JAM3: variants seen among roughly 807,000 people sequenced by gnomAD.
The protein encoded by JAM3 is junctional adhesion molecule 3, also known as junctional adhesion molecule C.
JAM3 carries 31 observed loss-of-function variants against 39.4 expected under a neutral mutation model. That is an observed-to-expected ratio of 0.79 (90% confidence interval 0.59 to 1.06). JAM3 has a LOEUF of 1.06. Among genes scored for constraint, JAM3 ranks in the 50% least tolerant of loss-of-function variants. The probability of loss-of-function intolerance (pLI) is 0.00; values close to 1 mark genes in which losing one functional copy is unlikely to be tolerated. For synonymous variants in JAM3, 182 were observed against 148.7 expected, an observed-to-expected ratio of 1.22 and a Z score of -1.63; for missense variants, 455 against 391.4, an observed-to-expected ratio of 1.16 and a Z score of -1.37.
At chr11:134,090,138 C>A (rs1335176392) in intron 1 of JAM3, among the ~76,000 whole-genome samples, 1 of 152,168 alleles carries the variant, frequency 6.6e-6, no homozygotes, top group South Asian at 2.1e-4. Flanking sequence ...TGTCCTTTGC[C>A]CACTTTTTGA....
chr11:134,076,151 C>CTTTTTTTTTTTTTTT (rs551303530), intron 1 of JAM3, among the ~76,000 whole-genome samples: 15 of 120,396 alleles, frequency 1.2e-4, no homozygotes, highest in East Asian at 2.3e-4. Flanking sequence ...TCTTTTCTTT[C>CTTTTTTTTTTTTTTT]TTTTTTTTTT....
chr11:134,148,662 A>G lies in JAM3; in HGVS notation c.828A>G (p.Lys276=). 2 of 1,614,130 alleles carry G rather than the reference A, an allele frequency of 1.2e-6. No individual in the cohort carries two copies. The highest frequency in any genetic ancestry group is 1.7e-6 in the Non-Finnish European group (2 of 1,180,026). The part of the protein sequence containing the change: ...AYRRGYFINN[K]QDGESYKNPG... ...GACGTGGCTACTTCATCAACAATAA[A>G]CAGGATGGAGAAAGGTGAGCCTGCC... Residue 276 remains lysine, a synonymous_variant, in exon 7 of 9, where the codon AAA becomes AAG. Coordinates refer to ENST00000299106, the MANE Select transcript of JAM3 (RefSeq NM_032801.5).
intron 1 of JAM3, among the ~76,000 whole-genome samples, chr11:134,138,822 T>A (rs538496639): frequency 9.2e-5 from 14 of 152,246 alleles, no homozygotes; most frequent in Non-Finnish European, 1.9e-4. Flanking sequence ...TTGCTAGAAT[T>A]AGTGAAATCT....
intron 3 of JAM3, among the ~76,000 whole-genome samples, chr11:134,143,912 G>A (rs1040761158): frequency 9.2e-5 from 14 of 152,194 alleles, no homozygotes; most frequent in African/African-American, 3.4e-4. Flanking sequence ...AACATTGGTT[G>A]TTTTTCTAGT....
At chr11:134,143,908 GGTT>G (rs1268937177) in intron 3 of JAM3, among the ~76,000 whole-genome samples, 1 of 152,188 alleles carries the variant, frequency 6.6e-6, no homozygotes, top group Non-Finnish European at 1.5e-5. Context: ...ATGAAACATT[GGTT>G]GTTTTTCTAG....
At chr11:134,093,191 C>T (rs1358560621) in intron 1 of JAM3, among the ~76,000 whole-genome samples, 1 of 133,986 alleles carries the variant, frequency 7.5e-6, no homozygotes, top group African/African-American at 2.9e-5. Flanking sequence ...CTGAACCCTC[C>T]TTATTCATCA....
chr11:134,105,708 A>G (rs1467781129), intron 1 of JAM3, among the ~76,000 whole-genome samples: 2 of 124,854 alleles, frequency 1.6e-5, no homozygotes, highest in Admixed American at 7.4e-5. Flanking sequence ...TATACCAATA[A>G]TAGACAAACA....
At chr11:134,122,074 T>C (rs1229873577) in intron 1 of JAM3, among the ~76,000 whole-genome samples, 2 of 152,254 alleles carry the variant, frequency 1.3e-5, no homozygotes, top group Non-Finnish European at 2.9e-5. Flanking sequence ...CAGAAAGCAT[T>C]ATTTTGTTTT....
intron 1 of JAM3, among the ~76,000 whole-genome samples, chr11:134,138,473 G>A (rs111823256): frequency 6.8e-5 from 10 of 146,964 alleles, no homozygotes; most frequent in African/African-American, 2.1e-4. Flanking sequence ...GTGTCTCGTC[G>A]AAGTCGTGGT....
intron 5 of JAM3, 123 bp from the exon 6 acceptor site, chr11:134,145,823 C>G: frequency 1.3e-6 from 1 of 753,080 alleles, no homozygotes; most frequent in South Asian, 1.4e-5. Context: ...GGAACATGCA[C>G]AGTGCTGGGG....
At chr11:134,124,043 G>A in intron 1 of JAM3, 1 of 1,436,232 alleles carries the variant, frequency 7.0e-7, no homozygotes, top group African/African-American at 1.4e-5. Flanking sequence ...CTGCAACACA[G>A]CCACCTGGCT....
At chr11:134,078,760 C>G (rs958887140) in intron 1 of JAM3, among the ~76,000 whole-genome samples, 1 of 152,110 alleles carries the variant, frequency 6.6e-6, no homozygotes, top group Non-Finnish European at 1.5e-5. Flanking sequence ...AATTATGGGC[C>G]GAGCACAGTG....
chr11:134,122,128 A>C (rs1942545282), intron 1 of JAM3, among the ~76,000 whole-genome samples: 1 of 152,202 alleles, frequency 6.6e-6, no homozygotes, highest in Non-Finnish European at 1.5e-5. Flanking sequence ...ATTTGTATTT[A>C]GTTAAAAATC....
chr11:134,123,780 C>T, intron 1 of JAM3: 1 of 702,764 alleles, frequency 1.4e-6, no homozygotes, highest in Non-Finnish European at 2.6e-6. Context: ...CCAAGGGTTC[C>T]CTCTAAATGC....
intron 1 of JAM3, among the ~76,000 whole-genome samples, chr11:134,111,226 C>G (rs1474646400): frequency 1.4e-5 from 2 of 142,516 alleles, no homozygotes; most frequent in East Asian, 4.1e-4. Flanking sequence ...TCACTGCAAG[C>G]TTCGCCTCCT....
chr11:134,128,676 G>A (rs1942702625), intron 1 of JAM3, among the ~76,000 whole-genome samples: 2 of 152,040 alleles, frequency 1.3e-5, no homozygotes, highest in African/African-American at 4.8e-5. Flanking sequence ...CTGCTGCTTT[G>A]TGAAGAAGGT....
intron 1 of JAM3, among the ~76,000 whole-genome samples, chr11:134,106,770 A>T (rs1367080065): frequency 1.3e-5 from 2 of 152,252 alleles, no homozygotes; most frequent in African/African-American, 4.8e-5. Flanking sequence ...TGCACATCAA[A>T]ACCACAATGA....
chr11:134,114,679 C>G (rs2120743463), intron 1 of JAM3, among the ~76,000 whole-genome samples: 1 of 152,310 alleles, frequency 6.6e-6, no homozygotes, highest in Non-Finnish European at 1.5e-5. Context: ...GTACTGATCT[C>G]TATTTTAATT....
intron 1 of JAM3, among the ~76,000 whole-genome samples, chr11:134,095,357 C>T (rs1365524535): frequency 1.3e-5 from 2 of 152,060 alleles, no homozygotes; most frequent in South Asian, 2.1e-4. Context: ...ATAGGCCCAG[C>T]GCAGTGGCTC....
Sources: gnomAD v4.1 joint callset for allele counts (sites outside exome capture counted in the v4.1 genomes callset) on GRCh38, gnomAD v4.1.1 for gene constraint, MANE v1.5 for transcripts, NCBI Gene and HGNC (gene_info 2026-07-23, HGNC 2026-07-21) for gene names.